Variants in MORC4 observed in about 807,000 individuals in gnomAD.
MORC4 encodes MORC family CW-type zinc finger 4, also known as MORC family CW-type zinc finger protein 4.
Under a neutral mutation model 65.5 loss-of-function variants are expected in MORC4, and 22 were observed. That is an observed-to-expected ratio of 0.34 (90% CI 0.24 to 0.48). The LOEUF is 0.48. Ranked by LOEUF, MORC4 falls within the 20% of genes least tolerant of loss-of-function variation. The probability of loss-of-function intolerance (pLI) is 0.99; values close to 1 mark genes in which losing one functional copy is unlikely to be tolerated. For synonymous variants in MORC4, 267 were observed against 255.8 expected (o/e 1.04, Z -0.42); for missense variants, 624 against 703.0 (o/e 0.89, Z 1.27).
At chrX:106,974,317 G>C (rs1361047306) in intron 9 of MORC4, among the ~76,000 whole-genome samples, 1 of 111,252 alleles carries the variant, frequency 9.0e-6, no homozygotes, top group Non-Finnish European at 1.9e-5. Context: ...TGCTGCTCTG[G>C]GGTATGGCTC....
chrX:106,946,792 C>T (rs1933838153), intron 14 of MORC4, among the ~76,000 whole-genome samples: 1 of 111,297 alleles, frequency 9.0e-6, no homozygotes, highest in Non-Finnish European at 1.9e-5. Flanking sequence ...GAACTACAGG[C>T]ATACACGCCC....
intron 3 of MORC4, among the ~76,000 whole-genome samples, chrX:106,989,557 A>G (rs1934937052): frequency 8.9e-6 from 1 of 111,996 alleles, no homozygotes; most frequent in African/African-American, 3.2e-5. Context: ...TTCCAAATAC[A>G]AAAGTAATAT....
intron 14 of MORC4, among the ~76,000 whole-genome samples, chrX:106,946,485 A>G (rs1024052769): frequency 5.3e-5 from 6 of 112,586 alleles, no homozygotes; most frequent in Non-Finnish European, 1.1e-4. Flanking sequence ...TCATAGCTAA[A>G]TAATAGTCCA....
intron 5 of MORC4, among the ~76,000 whole-genome samples, chrX:106,983,060 T>C (rs766398293): frequency 8.9e-6 from 1 of 111,878 alleles, no homozygotes; most frequent in Non-Finnish European, 1.9e-5. Flanking sequence ...AATCCAAAAA[T>C]CCAAAATCCA....
chrX:106,962,397 G>A (rs1042117808), intron 9 of MORC4, among the ~76,000 whole-genome samples: 2 of 112,040 alleles, frequency 1.8e-5, no homozygotes, highest in East Asian at 2.8e-4. Flanking sequence ...ATCATGGAGT[G>A]TATGGGTAAC....
intron 3 of MORC4, among the ~76,000 whole-genome samples, chrX:106,988,850 T>C (rs758624991): frequency 1.8e-5 from 2 of 112,039 alleles, no homozygotes; most frequent in African/African-American, 6.5e-5. Flanking sequence ...CTCTGGAGTA[T>C]CTTAAAATGT....
At chrX:106,946,791 G>A (rs1933838071) in intron 14 of MORC4, among the ~76,000 whole-genome samples, 1 of 111,209 alleles carries the variant, frequency 9.0e-6, no homozygotes. Flanking sequence ...GGAACTACAG[G>A]CATACACGCC....
rs998704171 is a variant in MORC4, at chrX:106,981,981, C to T, written c.675-504G>A. ...CAAAAGCAGCATATATTTAACTAGT[C>T]CTCTAGGATACCATTTATAGAATTA... On this transcript the variant is annotated intron_variant, in intron 5 of 16. Transcript: ENST00000355610. Among the ~76,000 whole-genome samples the T allele has an allele frequency of 1.1e-4, 12 of 111,839 alleles. 1 individual carries two copies. Among genetic ancestry groups the T allele is most frequent in the Non-Finnish European group, 1.7e-4 (9 of 53,098 alleles).
intron 10 of MORC4, 44 bp from the exon 11 acceptor site, chrX:106,958,508 C>A: frequency 8.9e-7 from 1 of 1,123,787 alleles, no homozygotes; most frequent in Non-Finnish European, 1.2e-6. Flanking sequence ...TATCTTAGCT[C>A]TGTGCTTTGT....
intron 14 of MORC4, among the ~76,000 whole-genome samples, chrX:106,953,637 G>A (rs1468791068): frequency 1.8e-5 from 2 of 110,966 alleles, no homozygotes; most frequent in Non-Finnish European, 3.8e-5. Context: ...TATATTCCAA[G>A]GCACCGTTCT....
intron 7 of MORC4, among the ~76,000 whole-genome samples, chrX:106,979,219 T>C (rs1934690818): frequency 9.0e-6 from 1 of 111,104 alleles, no homozygotes; most frequent in African/African-American, 3.3e-5. Context: ...TACAAAGACA[T>C]GACTCAAGTG....
intron 9 of MORC4, among the ~76,000 whole-genome samples, chrX:106,964,804 G>A (rs1934334209): frequency 8.9e-6 from 1 of 111,829 alleles, no homozygotes; most frequent in Non-Finnish European, 1.9e-5. Flanking sequence ...GAGGCCAGGA[G>A]TTCGAGACTA....
intron 11 of MORC4, among the ~76,000 whole-genome samples, 192 bp downstream of exon 11, chrX:106,958,144 C>T (rs188322668): frequency 9.6e-4 from 107 of 111,950 alleles, no homozygotes; most frequent in African/African-American, 3.3e-3. Flanking sequence ...AGTGAAGCCA[C>T]AGCCCTGGCT....
intron 5 of MORC4, among the ~76,000 whole-genome samples, chrX:106,983,514 T>C (rs886626809): frequency 8.9e-6 from 1 of 111,836 alleles, no homozygotes; most frequent in Non-Finnish European, 1.9e-5. Context: ...ATACCTCTAT[T>C]TTATATTAAA....
intron 10 of MORC4, among the ~76,000 whole-genome samples, chrX:106,961,580 T>C (rs1934245354): frequency 9.0e-6 from 1 of 111,632 alleles, no homozygotes; most frequent in Admixed American, 9.5e-5. Flanking sequence ...CACCAATCAG[T>C]GCTCTGTAAA....
At chrX:106,946,849 C>T in intron 14 of MORC4, among the ~76,000 whole-genome samples, 1 of 111,409 alleles carries the variant, frequency 9.0e-6, no homozygotes, top group Non-Finnish European at 1.9e-5. Context: ...CCTATGTTGC[C>T]CAGGCTGGTC....
At position 106,976,616 on chromosome X, in the gene MORC4, G is replaced by C; in HGVS notation, c.1125C>G (p.Asn375Lys). The C allele has an allele frequency of 8.3e-7, 1 of 1,207,534 alleles. No individual in the cohort carries two copies. The highest frequency in any genetic ancestry group is 1.1e-6 in the Non-Finnish European group (1 of 892,088). Residue 375 changes from asparagine (N) to lysine (K), a missense_variant, in exon 9 of 17, where the codon AAC becomes AAG. Coordinates refer to ENST00000355610, the MANE Select transcript of MORC4 (RefSeq NM_024657.5). ...IECNFLKPAY[N>K]KQDFEYTKEY... ...CCTTGGTATACTCAAAGTCTTGTTT[G>C]TTGTAGGCAGGTTTTAGGAAATTGC...
intron 5 of MORC4, among the ~76,000 whole-genome samples, 169 bp downstream of exon 5, chrX:106,984,927 G>T (rs1381627205): frequency 9.0e-6 from 1 of 111,144 alleles, no homozygotes; most frequent in Non-Finnish European, 1.9e-5. Context: ...CCAATAATTT[G>T]GGAGGCTAAG....
chrX:106,968,865 T>A (rs1569302138), intron 9 of MORC4, among the ~76,000 whole-genome samples: 1 of 110,354 alleles, frequency 9.1e-6, no homozygotes. Flanking sequence ...AGACTTAGAC[T>A]CCCACACAAT....
Sources: gnomAD v4.1 joint callset for allele counts (sites outside exome capture counted in the v4.1 genomes callset) on GRCh38, gnomAD v4.1.1 for gene constraint, MANE v1.5 for transcripts, NCBI Gene and HGNC (gene_info 2026-07-23, HGNC 2026-07-21) for gene names.